The following PHACTR3 variants were observed in gnomAD, a reference collection of about 807,000 sequenced individuals.
PHACTR3 encodes protein phosphatase 1, regulatory subunit 123.
Under a neutral mutation model 66.8 loss-of-function variants are expected in PHACTR3, and 16 were observed. That is an observed-to-expected ratio of 0.24 (90% CI 0.16 to 0.36). PHACTR3 has a LOEUF of 0.36. Ranked by LOEUF, PHACTR3 falls within the 10% of genes least tolerant of loss-of-function variation. The pLI is 1.00. For synonymous variants in PHACTR3, 323 were observed against 292.1 expected (o/e 1.11, Z -1.08); for missense variants, 647 against 719.9 (o/e 0.90, Z 1.16).
At chr20:59,591,239 A>T (rs548460463) in intron 1 of PHACTR3, among the ~76,000 whole-genome samples, 116 of 152,136 alleles carry the variant, frequency 7.6e-4, no homozygotes, top group Non-Finnish European at 1.5e-3. Context: ...GACACATCTC[A>T]TCCTCTCCGA....
At position 59,806,059 on chromosome 20, in the gene PHACTR3, G is replaced by A; in HGVS notation, c.1193G>A (p.Cys398Tyr). Residue 398 changes from cysteine (C) to tyrosine (Y), a missense_variant, in exon 8 of 13, where the codon TGC becomes TAC. Transcript: ENST00000371015. The part of the protein sequence containing the change: ...SIISGTLPRK[C>Y]KKELLAVKLR... ...CTTTTAGGAACACTGCCACGGAAAT[G>A]CAAGAAGGAGCTCCTGGCCGTGAAG... The A allele has an allele frequency of 1.9e-6, 3 of 1,613,988 alleles. No individual in the cohort carries two copies. Among genetic ancestry groups the A allele is most frequent in the Non-Finnish European group, 2.5e-6 (3 of 1,179,940 alleles).
intron 1 of PHACTR3, among the ~76,000 whole-genome samples, chr20:59,723,781 C>T (rs190321655): frequency 7.2e-5 from 11 of 151,948 alleles, no homozygotes; most frequent in South Asian, 2.1e-4. Flanking sequence ...TATGGTGACT[C>T]GGTCTCTGGG....
intron 1 of PHACTR3, among the ~76,000 whole-genome samples, chr20:59,595,424 T>C (rs2426799): frequency 0.48 from 73,013 of 152,056 alleles, 17,720 homozygotes; most frequent in East Asian, 0.57. Context: ...ATTGCGCCAC[T>C]GCACTCCAGC....
intron 7 of PHACTR3, among the ~76,000 whole-genome samples, chr20:59,784,050 G>A (rs1328321372): frequency 6.6e-6 from 1 of 152,208 alleles, no homozygotes; most frequent in Non-Finnish European, 1.5e-5. Flanking sequence ...ATGTTGCTGT[G>A]AAGGTATTTT....
chr20:59,619,476 G>C (rs559351831), intron 1 of PHACTR3, among the ~76,000 whole-genome samples: 2 of 152,120 alleles, frequency 1.3e-5, no homozygotes, highest in Non-Finnish European at 2.9e-5. Context: ...AACACCCTGA[G>C]TGAGCACGGA....
chr20:59,640,044 G>A (rs1600984679), intron 1 of PHACTR3, among the ~76,000 whole-genome samples: 1 of 152,210 alleles, frequency 6.6e-6, no homozygotes, highest in African/African-American at 2.4e-5. Flanking sequence ...TGCTGGGGTT[G>A]AGGCTGTGAG....
intron 1 of PHACTR3, among the ~76,000 whole-genome samples, chr20:59,625,699 G>T (rs1445079685): frequency 1.3e-5 from 2 of 152,106 alleles, no homozygotes; most frequent in Non-Finnish European, 1.5e-5. Flanking sequence ...GTCAGAGTGG[G>T]CACATCCTCC....
At chr20:59,701,981 A>T (rs1006948015) in intron 1 of PHACTR3, among the ~76,000 whole-genome samples, 1 of 152,172 alleles carries the variant, frequency 6.6e-6, no homozygotes, top group African/African-American at 2.4e-5. Context: ...CTCAGACTGT[A>T]TTCTTTGACT....
intron 3 of PHACTR3, among the ~76,000 whole-genome samples, chr20:59,749,657 C>T (rs747064154): frequency 3.3e-5 from 5 of 152,148 alleles, no homozygotes; most frequent in African/African-American, 7.2e-5. Context: ...TTCAGGGGGA[C>T]GTGCAGTCTC....
chr20:59,698,291 C>T (rs1295087747), intron 1 of PHACTR3, among the ~76,000 whole-genome samples: 1 of 151,918 alleles, frequency 6.6e-6, no homozygotes, highest in Non-Finnish European at 1.5e-5. Flanking sequence ...GAAAAAAAGA[C>T]TGGATGGAGA....
At chr20:59,739,766 A>G (rs1163766614) in intron 1 of PHACTR3, among the ~76,000 whole-genome samples, 1 of 151,962 alleles carries the variant, frequency 6.6e-6, no homozygotes, top group Non-Finnish European at 1.5e-5. Flanking sequence ...ATGCCTGGAG[A>G]GAATGACCTC....
chr20:59,676,370 C>G (rs1049282748), intron 1 of PHACTR3, among the ~76,000 whole-genome samples: 1 of 152,248 alleles, frequency 6.6e-6, no homozygotes, highest in African/African-American at 2.4e-5. Context: ...GAGTGGGCGC[C>G]TGGCCCTGAG....
chr20:59,646,735 G>T (rs544796330), intron 1 of PHACTR3, among the ~76,000 whole-genome samples: 1 of 152,340 alleles, frequency 6.6e-6, no homozygotes, highest in East Asian at 1.9e-4. Context: ...ACTAGGCATA[G>T]GAGTTAATTG....
At chr20:59,688,984 A>G (rs1428901774) in intron 1 of PHACTR3, among the ~76,000 whole-genome samples, 1 of 152,142 alleles carries the variant, frequency 6.6e-6, no homozygotes, top group East Asian at 1.9e-4. Context: ...TGTTTAAGAA[A>G]CAACATAGAT....
At chr20:59,756,921 G>GACAACCT (rs1253197674) in intron 4 of PHACTR3, among the ~76,000 whole-genome samples, 1 of 152,098 alleles carries the variant, frequency 6.6e-6, no homozygotes, top group Non-Finnish European at 1.5e-5. Flanking sequence ...GGAGTGAACA[G>GACAACCT]ACAACCTACA....
intron 1 of PHACTR3, among the ~76,000 whole-genome samples, chr20:59,726,516 C>A (rs1465194966): frequency 6.6e-6 from 1 of 152,186 alleles, no homozygotes; most frequent in Admixed American, 6.5e-5. Flanking sequence ...TTCTCCCTCC[C>A]TGGAAACCCC....
At chr20:59,825,518 C>G (rs998708147) in intron 8 of PHACTR3, among the ~76,000 whole-genome samples, 2 of 152,158 alleles carry the variant, frequency 1.3e-5, no homozygotes, top group African/African-American at 4.8e-5. Context: ...CCTGAGTACA[C>G]AGCATTGGGT....
intron 3 of PHACTR3, among the ~76,000 whole-genome samples, chr20:59,754,443 G>A (rs533401284): frequency 7.9e-5 from 12 of 152,212 alleles, no homozygotes; most frequent in Non-Finnish European, 1.6e-4. Flanking sequence ...GGTCATCTGC[G>A]TGGCTTCCTC....
At chr20:59,621,637 T>C (rs1296964830) in intron 1 of PHACTR3, among the ~76,000 whole-genome samples, 1 of 152,222 alleles carries the variant, frequency 6.6e-6, no homozygotes, top group African/African-American at 2.4e-5. Flanking sequence ...TGGCTGGCAG[T>C]GGCAGTCTAG....
Sources: gnomAD v4.1 joint callset for allele counts (sites outside exome capture counted in the v4.1 genomes callset) on GRCh38, gnomAD v4.1.1 for gene constraint, MANE v1.5 for transcripts, NCBI Gene and HGNC (gene_info 2026-07-23, HGNC 2026-07-21) for gene names.